The following PHACTR1 variants were observed in gnomAD, a reference collection of about 807,000 sequenced individuals.
PHACTR1 encodes the protein phosphatase and actin regulator 1.
In PHACTR1, 16 loss-of-function variants were observed where a neutral mutation model predicts 69.2. The ratio of observed to expected loss-of-function variants is 0.23; its 90% confidence interval spans 0.16 to 0.35. The LOEUF (loss-of-function observed/expected upper bound fraction) is 0.35. Among genes scored for constraint, PHACTR1 ranks in the 10% least tolerant of loss-of-function variants. PHACTR1 has a pLI of 1.00. For synonymous variants in PHACTR1, 312 were observed against 284.5 expected (o/e 1.10, Z -0.97); for missense variants, 510 against 734.7 (o/e 0.69, Z 3.54).
intron 5 of PHACTR1, among the ~76,000 whole-genome samples, chr6:13,106,845 CT>C (rs1339414521): frequency 3.3e-5 from 5 of 152,026 alleles, no homozygotes; most frequent in Admixed American, 2.6e-4. Flanking sequence ...AATTCAATGC[CT>C]TTTGAATGTT....
chr6:12,834,559 T>C (rs962166854), intron 4 of PHACTR1, among the ~76,000 whole-genome samples: 7 of 152,150 alleles, frequency 4.6e-5, no homozygotes, highest in Non-Finnish European at 7.4e-5. Flanking sequence ...CACCCGTGAA[T>C]AAAATTTATA....
At chr6:12,768,109 CTTTTTT>C (rs781107897) in intron 4 of PHACTR1, among the ~76,000 whole-genome samples, 1 of 107,568 alleles carries the variant, frequency 9.3e-6, no homozygotes, top group Non-Finnish European at 1.8e-5. Flanking sequence ...CTATCAAATC[CTTTTTT>C]TTTTTTTTTT....
chr6:13,045,353 A>G (rs980939732), intron 4 of PHACTR1, among the ~76,000 whole-genome samples: 5 of 152,192 alleles, frequency 3.3e-5, no homozygotes, highest in Admixed American at 3.3e-4. Context: ...GTTAGCTGTT[A>G]TGGATGCTGT....
In PHACTR1 at chr6:13,287,223, C is replaced by G. The variant is rs1322970201; in HGVS notation, c.*145C>G. On this transcript the variant is annotated 3_prime_UTR_variant, in exon 15 of 15. Transcript: ENST00000332995. The stretch of plus-strand genomic sequence containing the variant: ...AAAAAGAAGAAAAATCAAGGAAACA[C>G]AATCAGGATTTTATGTGTGAAAACG... 7.8e-6 allele frequency: 7 copies of G among 893,250 alleles called. No individual in the cohort carries two copies. Among genetic ancestry groups the G allele is most frequent in the Non-Finnish European group, 1.0e-5 (6 of 599,234 alleles). The allele number at this position is 893,250 out of a possible 1,614,324, so 55.3% of individuals were successfully genotyped here.
At chr6:12,802,334 G>A (rs763805269) in intron 4 of PHACTR1, among the ~76,000 whole-genome samples, 10 of 151,668 alleles carry the variant, frequency 6.6e-5, no homozygotes, top group Admixed American at 2.0e-4. Flanking sequence ...TTACTATAAC[G>A]TAAAAGAAAA....
chr6:12,796,507 G>A (rs1398102257), intron 4 of PHACTR1, among the ~76,000 whole-genome samples: 1 of 152,166 alleles, frequency 6.6e-6, no homozygotes, highest in African/African-American at 2.4e-5. Flanking sequence ...GCTTGACTTC[G>A]GATGTCTTGA....
intron 4 of PHACTR1, among the ~76,000 whole-genome samples, chr6:12,769,696 GC>G (rs561794440): frequency 6.6e-6 from 1 of 152,218 alleles, no homozygotes; most frequent in Non-Finnish European, 1.5e-5. Context: ...ATGCTAATAA[GC>G]TTTAGCGACT....
chr6:12,822,018 C>T (rs979376185), intron 4 of PHACTR1, among the ~76,000 whole-genome samples: 1 of 152,202 alleles, frequency 6.6e-6, no homozygotes, highest in Non-Finnish European at 1.5e-5. Flanking sequence ...CACATCCCCT[C>T]AGCCTGGGGC....
chr6:12,838,386 C>T (rs1221105056), intron 4 of PHACTR1, among the ~76,000 whole-genome samples: 1 of 152,114 alleles, frequency 6.6e-6, no homozygotes, highest in East Asian at 1.9e-4. Flanking sequence ...CCTATCTCAC[C>T]ACCCTTCCTT....
chr6:13,109,833 C>CGTGTGTGTGTGTGTGT (rs58370068), intron 5 of PHACTR1, among the ~76,000 whole-genome samples: 9 of 146,188 alleles, frequency 6.2e-5, no homozygotes, highest in African/African-American at 1.8e-4. Flanking sequence ...ATTTTTTCAG[C>CGTGTGTGTGTGTGTGT]GTGTGTGTGT....
At chr6:12,785,601 G>A (rs1771445115) in intron 4 of PHACTR1, among the ~76,000 whole-genome samples, 1 of 152,188 alleles carries the variant, frequency 6.6e-6, no homozygotes, top group African/African-American at 2.4e-5. Context: ...TTTGCAATGT[G>A]TTGGGTCAAG....
At chr6:12,873,727 G>A (rs1250467262) in intron 4 of PHACTR1, among the ~76,000 whole-genome samples, 1 of 152,196 alleles carries the variant, frequency 6.6e-6, no homozygotes, top group African/African-American at 2.4e-5. Context: ...TTTAGGGACA[G>A]GAAAAAGTAG....
chr6:12,743,133 C>T (rs1291608209), intron 3 of PHACTR1, among the ~76,000 whole-genome samples: 3 of 150,244 alleles, frequency 2.0e-5, no homozygotes, highest in African/African-American at 2.5e-5. Context: ...TTCTGAGCAG[C>T]ACCCAGAGAT....
intron 10 of PHACTR1, among the ~76,000 whole-genome samples, chr6:13,231,560 A>G (rs573929253): frequency 1.6e-4 from 25 of 152,246 alleles, no homozygotes; most frequent in Non-Finnish European, 4.4e-5. Context: ...TTGATTAAGC[A>G]CAAAGCAATC....
intron 4 of PHACTR1, among the ~76,000 whole-genome samples, chr6:13,026,243 G>C (rs566137865): frequency 6.6e-6 from 1 of 152,196 alleles, no homozygotes; most frequent in Admixed American, 6.5e-5. Flanking sequence ...GTGTTTACCA[G>C]AGAGAAGGAA....
At chr6:13,170,420 C>T (rs1426894386) in intron 6 of PHACTR1, among the ~76,000 whole-genome samples, 3 of 152,128 alleles carry the variant, frequency 2.0e-5, no homozygotes, top group South Asian at 2.1e-4. Context: ...GGGCAGGGTA[C>T]GTGGGGCATA....
chr6:12,756,544 C>T (rs147066606), intron 4 of PHACTR1, among the ~76,000 whole-genome samples: 289 of 152,284 alleles, frequency 1.9e-3, no homozygotes, highest in African/African-American at 6.5e-3. Context: ...TACACAGTTA[C>T]TGAAGGACAA....
At chr6:12,814,553 G>A (rs759383541) in intron 4 of PHACTR1, among the ~76,000 whole-genome samples, 2 of 152,198 alleles carry the variant, frequency 1.3e-5, no homozygotes, top group Non-Finnish European at 2.9e-5. Context: ...GTGTGAACTT[G>A]AGTAAGTCCC....
intron 4 of PHACTR1, among the ~76,000 whole-genome samples, chr6:12,999,658 T>C (rs1180422135): frequency 2.0e-5 from 3 of 152,148 alleles, no homozygotes; most frequent in Admixed American, 2.0e-4. Context: ...AAATGATTCT[T>C]AAAGTGTGAT....
Sources: allele counts gnomAD v4.1 joint callset (sites outside exome capture counted in the v4.1 genomes callset), GRCh38; gene constraint gnomAD v4.1.1; transcripts MANE v1.5; gene names NCBI Gene and HGNC (gene_info 2026-07-23, HGNC 2026-07-21).